The following LRFN5 variants were observed in gnomAD, a reference collection of about 807,000 sequenced individuals.
LRFN5 encodes the protein leucine rich repeat and fibronectin type III domain containing 5, also known as leucine-rich repeat and fibronectin type-III domain-containing protein 5.
Under a neutral mutation model 45.6 loss-of-function variants are expected in LRFN5, and 24 were observed. That is an observed-to-expected ratio of 0.53 (90% CI 0.38 to 0.74). The LOEUF (loss-of-function observed/expected upper bound fraction) is 0.74, where lower values mean the gene tolerates loss of function less well. Among genes scored for constraint, LRFN5 ranks in the 30% least tolerant of loss-of-function variants. The pLI is 0.00. For missense variants in LRFN5, 776 were observed against 861.5 expected (o/e 0.90, Z 1.24); for synonymous variants, 340 against 313.8 (o/e 1.08, Z -0.88).
intron 4 of LRFN5, among the ~76,000 whole-genome samples, chr14:41,897,301 CACAA>C (rs1422458522): frequency 6.6e-6 from 1 of 151,692 alleles, no homozygotes; most frequent in East Asian, 1.9e-4. Flanking sequence ...CATCAAATTA[CACAA>C]ACAGTGAATA....
intron 1 of LRFN5, among the ~76,000 whole-genome samples, chr14:41,759,555 C>T (rs1264545697): frequency 2.0e-5 from 3 of 151,406 alleles, no homozygotes; most frequent in South Asian, 2.1e-4. Context: ...TAAAGGGAAA[C>T]GCAATTAGAC....
intron 1 of LRFN5, among the ~76,000 whole-genome samples, chr14:41,709,993 T>A (rs1221049207): frequency 1.3e-5 from 2 of 152,078 alleles, no homozygotes; most frequent in African/African-American, 4.8e-5. Context: ...ATTCAGTTTT[T>A]TTTTCTCTGA....
At chr14:41,689,914 A>AT (rs1882298262) in intron 1 of LRFN5, among the ~76,000 whole-genome samples, 1 of 151,228 alleles carries the variant, frequency 6.6e-6, no homozygotes, top group Non-Finnish European at 1.5e-5. Context: ...AAAAAAAAAA[A>AT]AAAAATTACC....
chr14:41,780,471 G>A (rs1426973815), intron 2 of LRFN5, among the ~76,000 whole-genome samples: 1 of 151,900 alleles, frequency 6.6e-6, no homozygotes, highest in African/African-American at 2.4e-5. Flanking sequence ...TCTGAAGTCG[G>A]CTTTGTCTGA....
intron 1 of LRFN5, among the ~76,000 whole-genome samples, chr14:41,644,438 C>G (rs1879718655): frequency 6.6e-6 from 1 of 152,176 alleles, no homozygotes; most frequent in Non-Finnish European, 1.5e-5. Flanking sequence ...TAATTGCAAG[C>G]TGCTGTTTAA....
At chr14:41,827,000 A>G (rs1888321979) in intron 2 of LRFN5, among the ~76,000 whole-genome samples, 1 of 152,036 alleles carries the variant, frequency 6.6e-6, no homozygotes, top group Non-Finnish European at 1.5e-5. Flanking sequence ...AAACAATCCA[A>G]CTTTGCAAAG....
At chr14:41,704,626 A>G (rs1034105660) in intron 1 of LRFN5, among the ~76,000 whole-genome samples, 2 of 151,918 alleles carry the variant, frequency 1.3e-5, no homozygotes, top group Middle Eastern at 3.4e-3. Context: ...ACCTGGATAG[A>G]CTTATTTTTA....
rs77339244 is a variant in LRFN5, at chr14:41,849,765, A to G, written c.-20-36841A>G. ...AGGGAAGTAATGTTGTAACTTTTAT[A>G]AATTTTAAAATAGTTTCCTGTCAAT... is the stretch of plus-strand genomic sequence containing the variant. On this transcript the variant is annotated intron_variant, in intron 2 of 5. Transcript: ENST00000298119. Among the ~76,000 whole-genome samples, 1,053 of 152,084 alleles carry G rather than the reference A, an allele frequency of 6.9e-3. 17 individuals carry two copies. The highest frequency in any genetic ancestry group is 0.024 in the African/African-American group (1,006 of 41,538).
chr14:41,823,973 A>G (rs911294218), intron 2 of LRFN5, among the ~76,000 whole-genome samples: 6 of 152,132 alleles, frequency 3.9e-5, no homozygotes, highest in South Asian at 4.2e-4. Flanking sequence ...AAAGCTTTCA[A>G]CTGTATTTTG....
Position 41,826,219 on chromosome 14 carries a change from A to G in LRFN5, c.-21+59190A>G, listed in dbSNP as rs1006501439. 5.3e-5 allele frequency among the ~76,000 whole-genome samples: 8 copies of G among 151,994 alleles called. No individual in the cohort carries two copies. The East Asian group carries it at 1.2e-3, about 22-fold the overall frequency. ...CACACTAACTCACTTATAGTTTACA[A>G]CTCTTCAGAGGTTGCTCATTACATT... On this transcript the variant is annotated intron_variant, in intron 2 of 5. Transcript: ENST00000298119.
intron 2 of LRFN5, among the ~76,000 whole-genome samples, chr14:41,800,560 T>G (rs2138967009): frequency 6.6e-6 from 1 of 151,816 alleles, no homozygotes; most frequent in East Asian, 1.9e-4. Context: ...ACAGTAGAGA[T>G]ATAGGCAAAA....
chr14:41,853,510 A>AAC (rs1889346006), intron 2 of LRFN5, among the ~76,000 whole-genome samples: 1 of 152,080 alleles, frequency 6.6e-6, no homozygotes, highest in South Asian at 2.1e-4. Flanking sequence ...CTCTTAAGCG[A>AAC]ACTTTTTAGT....
chr14:41,691,950 T>C (rs1426777885), intron 1 of LRFN5, among the ~76,000 whole-genome samples: 1 of 152,156 alleles, frequency 6.6e-6, no homozygotes, highest in Non-Finnish European at 1.5e-5. Context: ...GGTGTTCTTA[T>C]ACCACAATTT....
chr14:41,855,833 A>C (rs1444769379), intron 2 of LRFN5, among the ~76,000 whole-genome samples: 1 of 152,176 alleles, frequency 6.6e-6, no homozygotes, highest in Non-Finnish European at 1.5e-5. Context: ...CTAACCAAAT[A>C]AAATATTTAT....
intron 2 of LRFN5, among the ~76,000 whole-genome samples, chr14:41,805,389 A>ATTTT (rs1224388541): frequency 1.6e-5 from 2 of 127,330 alleles, no homozygotes; most frequent in East Asian, 3.1e-4. Flanking sequence ...CATAAGTTTT[A>ATTTT]TTTTATTTAT....
intron 2 of LRFN5, among the ~76,000 whole-genome samples, chr14:41,805,768 G>A (rs531621783): frequency 2.2e-4 from 33 of 152,264 alleles, no homozygotes; most frequent in Non-Finnish European, 4.0e-4. Flanking sequence ...TAGAGGATAC[G>A]TTAGAACAGG....
At chr14:41,783,672 C>G (rs377588194) in intron 2 of LRFN5, among the ~76,000 whole-genome samples, 52 of 152,028 alleles carry the variant, frequency 3.4e-4, no homozygotes, top group Non-Finnish European at 5.6e-4. Flanking sequence ...TACAGTACCT[C>G]TTTAAGACTT....
intron 1 of LRFN5, among the ~76,000 whole-genome samples, chr14:41,683,215 A>G (rs969959534): frequency 2.0e-5 from 3 of 152,210 alleles, no homozygotes; most frequent in African/African-American, 7.2e-5. Flanking sequence ...TGAAGGAAAA[A>G]ATCCATATGA....
intron 1 of LRFN5, among the ~76,000 whole-genome samples, chr14:41,669,764 C>A (rs544169288): frequency 9.8e-4 from 149 of 151,634 alleles, no homozygotes; most frequent in African/African-American, 3.6e-3. Context: ...CAGAAATTTT[C>A]ACTTAACATT....
Sources: allele counts gnomAD v4.1 joint callset (sites outside exome capture counted in the v4.1 genomes callset), GRCh38; gene constraint gnomAD v4.1.1; transcripts MANE v1.5; gene names NCBI Gene and HGNC (gene_info 2026-07-23, HGNC 2026-07-21).